Variants in VWA3B observed in about 807,000 individuals in gnomAD.
The protein encoded by VWA3B is von Willebrand factor A domain containing 3B.
VWA3B carries 138 observed loss-of-function variants against 158.3 expected under a neutral mutation model. That is an observed-to-expected ratio of 0.87 (90% CI 0.76 to 1.00). The LOEUF is 1.00. VWA3B is among the 50% of genes least tolerant of loss of function. The probability of loss-of-function intolerance (pLI) is 0.00; values close to 1 mark genes in which losing one functional copy is unlikely to be tolerated. For missense variants in VWA3B, 1,555 were observed against 1,565.1 expected, an observed-to-expected ratio of 0.99 and a Z score of 0.11; for synonymous variants, 596 against 587.3, an observed-to-expected ratio of 1.01 and a Z score of -0.21.
At chr2:98,116,690 C>G (rs568854198) in intron 3 of VWA3B, among the ~76,000 whole-genome samples, 1 of 152,210 alleles carries the variant, frequency 6.6e-6, no homozygotes, top group Non-Finnish European at 1.5e-5. Context: ...TATTTTTTTG[C>G]AGACGGGGTC....
chr2:98,241,094 T>C (rs960740261), intron 19 of VWA3B, among the ~76,000 whole-genome samples: 2 of 152,022 alleles, frequency 1.3e-5, no homozygotes, highest in African/African-American at 4.8e-5. Flanking sequence ...GCAGGAGATG[T>C]CCCTCACCTG....
chr2:98,243,384 A>T (rs1686200134), intron 19 of VWA3B, among the ~76,000 whole-genome samples: 1 of 151,862 alleles, frequency 6.6e-6, no homozygotes. Context: ...CCCAGGCTGG[A>T]GTGCAATGGT....
At position 98,093,025 on chromosome 2, in the gene VWA3B, T is replaced by G. The variant is rs980401113; in HGVS notation, c.-32-36T>G. On this transcript the variant is annotated intron_variant, in intron 1 of 27. Transcript: ENST00000477737. ...CTGTTGACGTTAGATGATTTCCAAG[T>G]TTTTAGGAAGTCTGAGTTTATGATT... 17 of 1,513,746 alleles carry G rather than the reference T, an allele frequency of 1.1e-5. No individual in the cohort carries two copies. The African/African-American group carries it at 2.1e-4, about 19-fold the overall frequency. The allele number at this position is 1,513,746 out of a possible 1,614,324, so 93.8% of individuals were successfully genotyped here. A position where few individuals can be genotyped will look rare whatever the true frequency, so the allele number is the denominator to read the frequency against.
At chr2:98,103,499 T>A (rs932280989) in intron 2 of VWA3B, among the ~76,000 whole-genome samples, 3 of 152,198 alleles carry the variant, frequency 2.0e-5, no homozygotes, top group Admixed American at 1.3e-4. Flanking sequence ...TATTATTGCT[T>A]TAAAGTTTTT....
At chr2:98,182,883 G>A (rs1399455613) in intron 9 of VWA3B, among the ~76,000 whole-genome samples, 1 of 152,180 alleles carries the variant, frequency 6.6e-6, no homozygotes, top group Non-Finnish European at 1.5e-5. Context: ...ACTCCAGCCT[G>A]GGCGGCAGAG....
intron 25 of VWA3B, among the ~76,000 whole-genome samples, chr2:98,302,009 T>C (rs1439503722): frequency 6.6e-6 from 1 of 152,218 alleles, no homozygotes; most frequent in Non-Finnish European, 1.5e-5. Flanking sequence ...GTTTGCCTGA[T>C]TGACGTCTCC....
intron 5 of VWA3B, among the ~76,000 whole-genome samples, chr2:98,123,621 T>C: frequency 6.6e-6 from 1 of 152,160 alleles, no homozygotes; most frequent in Admixed American, 6.5e-5. Context: ...TGAATTACTG[T>C]TGTGTCTCAT....
intron 4 of VWA3B, 103 bp from the exon 5 acceptor site, chr2:98,121,196 A>G (rs937538031): frequency 5.8e-6 from 8 of 1,387,968 alleles, no homozygotes; most frequent in Non-Finnish European, 6.9e-6. Flanking sequence ...TCAGCTCTAG[A>G]GATGGATGTT....
chr2:98,158,382 A>G (rs1310223340), intron 7 of VWA3B, among the ~76,000 whole-genome samples: 2 of 152,186 alleles, frequency 1.3e-5, no homozygotes, highest in Non-Finnish European at 2.9e-5. Context: ...AACAGCTGGC[A>G]GGCTGGGGAC....
chr2:98,252,128 C>T (rs536720718), intron 20 of VWA3B, among the ~76,000 whole-genome samples: 1 of 152,176 alleles, frequency 6.6e-6, no homozygotes, highest in Admixed American at 6.5e-5. Flanking sequence ...CTCGGGAGCT[C>T]CTCTCAGCGC....
At chr2:98,302,744 C>T (rs192131918) in intron 25 of VWA3B, among the ~76,000 whole-genome samples, 1 of 152,198 alleles carries the variant, frequency 6.6e-6, no homozygotes, top group Non-Finnish European at 1.5e-5. Context: ...ATGGCCTACC[C>T]TCTAAACTAC....
At chr2:98,112,066 T>A (rs1163540307) in intron 2 of VWA3B, among the ~76,000 whole-genome samples, 1 of 152,176 alleles carries the variant, frequency 6.6e-6, no homozygotes, top group Non-Finnish European at 1.5e-5. Flanking sequence ...AAATTTTTAA[T>A]CCATCTTCAA....
At chr2:98,231,825 A>G (rs1225776003) in intron 16 of VWA3B, among the ~76,000 whole-genome samples, 1 of 152,218 alleles carries the variant, frequency 6.6e-6, no homozygotes, top group Non-Finnish European at 1.5e-5. Context: ...GCAGCCTTGT[A>G]TATCTTGGAA....
intron 22 of VWA3B, among the ~76,000 whole-genome samples, chr2:98,286,398 G>T (rs1196121918): frequency 6.6e-6 from 1 of 152,008 alleles, no homozygotes. Flanking sequence ...TTTACTGTAG[G>T]CTTTTCATAG....
chr2:98,102,508 A>G (rs1277662777), intron 2 of VWA3B, among the ~76,000 whole-genome samples: 1 of 151,974 alleles, frequency 6.6e-6, no homozygotes, highest in Non-Finnish European at 1.5e-5. Context: ...GACGCTACTC[A>G]CTTCCCAGAC....
chr2:98,156,083 C>T (rs573754535), intron 7 of VWA3B, among the ~76,000 whole-genome samples: 7 of 152,148 alleles, frequency 4.6e-5, no homozygotes, highest in East Asian at 3.8e-4. Flanking sequence ...ATTTCAGGGG[C>T]GTCTGCCACA....
rs1324020551 is a variant in VWA3B at position 98,162,958 on chromosome 2, G to T, written c.1096G>T (p.Val366Leu). 1.2e-6 allele frequency: 2 copies of T among 1,614,170 alleles called. No homozygotes were observed. Among genetic ancestry groups the T allele is most frequent in the South Asian group, 1.1e-5 (1 of 91,080 alleles). Reference protein sequence around the residue: ...RLVAEPPKPDVATVDCESETT... With the variant: ...RLVAEPPKPDLATVDCESETT... ...GGTGGCCGAGCCTCCCAAGCCCGAC[G>T]TGGCCACTGTGGACTGCGGTTGGTG... The change falls in exon 8 of 28, where the codon GTG becomes TTG. Residue 366 changes from valine (V) to leucine (L), a missense_variant. By Grantham distance (32) the Val-to-Leu change is conservative. Coordinates refer to ENST00000477737, the MANE Select transcript of VWA3B (RefSeq NM_144992.5).
chr2:98,290,387 A>C, intron 22 of VWA3B, 124 bp from the exon 23 acceptor site: 3 of 731,450 alleles, frequency 4.1e-6, no homozygotes, highest in Non-Finnish European at 6.7e-6. Flanking sequence ...GGAACTTGTA[A>C]TTCAACATGA....
At chr2:98,096,707 T>C (rs957712062) in intron 2 of VWA3B, among the ~76,000 whole-genome samples, 1 of 152,338 alleles carries the variant, frequency 6.6e-6, no homozygotes, top group African/African-American at 2.4e-5. Flanking sequence ...TTTGTTCATG[T>C]GTAATTGTTC....
Sources: gnomAD v4.1 joint callset for allele counts (sites outside exome capture counted in the v4.1 genomes callset) on GRCh38, gnomAD v4.1.1 for gene constraint, MANE v1.5 for transcripts, NCBI Gene and HGNC (gene_info 2026-07-23, HGNC 2026-07-21) for gene names.